GLCCI1: variants seen among roughly 807,000 people sequenced by gnomAD.
The protein encoded by GLCCI1 is glucocorticoid-induced transcript 1 protein.
GLCCI1 carries 24 observed loss-of-function variants against 52.2 expected under a neutral mutation model. The observed-to-expected ratio is 0.46, with a 90% CI of 0.33 to 0.65. The LOEUF is 0.65. GLCCI1 is among the 30% of genes least tolerant of loss of function. GLCCI1 has a pLI of 0.02. For missense variants in GLCCI1, 704 were observed against 701.5 expected (o/e 1.00, Z -0.04); for synonymous variants, 310 against 276.5 (o/e 1.12, Z -1.20).
chr7:8,000,237 G>C (rs1284881330), intron 1 of GLCCI1, among the ~76,000 whole-genome samples: 3 of 152,176 alleles, frequency 2.0e-5, no homozygotes, highest in Non-Finnish European at 4.4e-5. Context: ...CTATAAATCA[G>C]ATAATGGGAG....
chr7:8,025,316 G>A (rs1397535075), intron 3 of GLCCI1, among the ~76,000 whole-genome samples: 1 of 151,862 alleles, frequency 6.6e-6, no homozygotes, highest in East Asian at 1.9e-4. Context: ...CTGCAGCCTG[G>A]GTGACAGAGC....
intron 3 of GLCCI1, among the ~76,000 whole-genome samples, chr7:8,025,547 A>C (rs1447114924): frequency 6.6e-6 from 1 of 152,170 alleles, no homozygotes; most frequent in Admixed American, 6.5e-5. Context: ...AGAGGAAAAA[A>C]AAATTAAAGT....
At chr7:8,001,663 T>C (rs1184177791) in intron 1 of GLCCI1, among the ~76,000 whole-genome samples, 1 of 152,232 alleles carries the variant, frequency 6.6e-6, no homozygotes, top group Non-Finnish European at 1.5e-5. Context: ...CGTATGTTTA[T>C]TGCGGCACTA....
At chr7:8,067,600 G>C (rs1193916045) in intron 5 of GLCCI1, among the ~76,000 whole-genome samples, 1 of 152,176 alleles carries the variant, frequency 6.6e-6, no homozygotes, top group Non-Finnish European at 1.5e-5. Flanking sequence ...TTGCTTGTCT[G>C]AAAAGGATCT....
At chr7:8,023,818 C>G (rs1250896820) in intron 3 of GLCCI1, among the ~76,000 whole-genome samples, 1 of 151,584 alleles carries the variant, frequency 6.6e-6, no homozygotes, top group Non-Finnish European at 1.5e-5. Flanking sequence ...AGGCTAGTCT[C>G]GAACTCCTGA....
Position 8,087,419 on chromosome 7 carries a change from A to C in GLCCI1, c.*881A>C, listed in dbSNP as rs1783139580. The C allele has an allele frequency of 6.5e-6, 1 of 152,690 alleles. No homozygotes were observed. Among genetic ancestry groups the C allele is most frequent in the Non-Finnish European group, 1.5e-5 (1 of 68,046 alleles). The allele number at this position is 152,690 out of a possible 1,614,324, so 9.5% of individuals were successfully genotyped here. ...TGACAATGTTGCAAATAAAGTGTTC[A>C]GTACTGGACTGTACATAAACATTCC... On this transcript the variant is annotated 3_prime_UTR_variant, in exon 8 of 8. Coordinates refer to ENST00000223145, the MANE Select transcript of GLCCI1 (RefSeq NM_138426.4).
At chr7:8,019,520 C>CT (rs1562430413) in intron 2 of GLCCI1, among the ~76,000 whole-genome samples, 2 of 152,126 alleles carry the variant, frequency 1.3e-5, no homozygotes, top group African/African-American at 4.8e-5. Flanking sequence ...TGAGAGAACT[C>CT]TTTCAGTCGT....
At position 7,969,631 on chromosome 7, in the gene GLCCI1, G is replaced by A; in HGVS notation, c.281G>A (p.Ser94Asn). 1 of 1,014,980 alleles carries A rather than the reference G, an allele frequency of 9.9e-7. No individual in the cohort carries two copies. The highest frequency in any genetic ancestry group is 1.2e-6 in the Non-Finnish European group (1 of 854,584). 62.9% of individuals were successfully genotyped at this position (1,014,980 alleles called of 1,614,324 possible). ...GCCGCTGCCGCCGCCTCGCTGGGCA[G>A]CCTCCCGGGGCCCGGCGCGGCCCGC... The part of the protein sequence containing the change: ...PVAAAAASLG[S>N]LPGPGAARGP... Residue 94 changes from serine to asparagine, a missense_variant, in exon 1 of 8, where the codon AGC becomes AAC. Ser to Asn is a conservative substitution (Grantham distance 46). Around this residue, in one of 3 missense-constraint regions of GLCCI1, gnomAD observed 547 missense variants for 524.8 expected, o/e 1.04. Coordinates refer to ENST00000223145, the MANE Select transcript of GLCCI1 (RefSeq NM_138426.4). The surrounding 1 kb of genome is among the most constrained non-coding windows in gnomAD (Gnocchi z 4.9).
chr7:8,068,414 C>T (rs768303754), intron 5 of GLCCI1, among the ~76,000 whole-genome samples: 5 of 152,180 alleles, frequency 3.3e-5, no homozygotes, highest in East Asian at 1.9e-4. Flanking sequence ...AGATTCTTTC[C>T]TCAGCTTGGT....
chr7:8,022,474 T>A lies in GLCCI1; in HGVS notation c.610-9T>A, dbSNP rs769512831. The A allele has an allele frequency of 2.8e-5, 41 of 1,489,644 alleles. No individual in the cohort carries two copies. Among genetic ancestry groups the A allele is most frequent in the Middle Eastern group, 1.8e-4 (1 of 5,506 alleles). The allele number at this position is 1,489,644 out of a possible 1,614,324, so 92.3% of individuals were successfully genotyped here. A position where few individuals can be genotyped will look rare whatever the true frequency, so the allele number is the denominator to read the frequency against. Reference sequence around the variant, plus strand: ...TTTCTTATTTTATTTATATATATATTTTTTAAAGACACCTAGCTGTTGGGC... The same window carrying A: ...TTTCTTATTTTATTTATATATATATATTTTAAAGACACCTAGCTGTTGGGC... On this transcript the variant is annotated splice_polypyrimidine_tract_variant and intron_variant, in intron 2 of 7. Coordinates refer to ENST00000223145, the MANE Select transcript of GLCCI1 (RefSeq NM_138426.4).
intron 1 of GLCCI1, chr7:7,980,894 A>G: frequency 3.1e-6 from 2 of 634,952 alleles, no homozygotes; most frequent in East Asian, 2.8e-5. Flanking sequence ...GTCCATTTTG[A>G]TGACATTCCT....
intron 6 of GLCCI1, among the ~76,000 whole-genome samples, chr7:8,083,655 A>C (rs1345417166): frequency 7.3e-6 from 1 of 137,128 alleles, no homozygotes; most frequent in African/African-American, 2.5e-5. Flanking sequence ...AGGATCATAC[A>C]TAATAATGAT....
rs865995749 is a variant in GLCCI1 at position 7,969,745 on chromosome 7, C to G, written c.395C>G (p.Pro132Arg). Residue 132 changes from proline (P) to arginine (R), a missense_variant, in exon 1 of 8, where the codon CCA becomes CGA. Coordinates refer to ENST00000223145, the MANE Select transcript of GLCCI1 (RefSeq NM_138426.4). This position sits in a 1 kb window ranked among gnomAD's most constrained non-coding sequence, Gnocchi z 4.9. ...GCCAAGGGCCGCCCGAGACGGTCCC[C>G]AGAGAGCCACCGGAGGAGCAGCTCA... ...PRAKGRPRRSPESHRRSSSPE... is the reference protein window; with the variant it reads ...PRAKGRPRRSRESHRRSSSPE... 15 of 1,470,674 alleles carry G rather than the reference C, an allele frequency of 1.0e-5. No individual in the cohort carries two copies. The highest frequency in any genetic ancestry group is 1.3e-5 in the Non-Finnish European group (15 of 1,114,370). 91.1% of individuals were successfully genotyped at this position (1,470,674 alleles called of 1,614,324 possible). A position where few individuals can be genotyped will look rare whatever the true frequency, so the allele number is the denominator to read the frequency against.
At chr7:8,014,115 G>A (rs1254458663) in intron 2 of GLCCI1, among the ~76,000 whole-genome samples, 1 of 151,734 alleles carries the variant, frequency 6.6e-6, no homozygotes, top group Non-Finnish European at 1.5e-5. Context: ...TTAGCCTCCC[G>A]AGTAGCTGGA....
chr7:8,044,104 C>T (rs546843792), intron 3 of GLCCI1, among the ~76,000 whole-genome samples: 3 of 152,056 alleles, frequency 2.0e-5, no homozygotes, highest in Non-Finnish European at 2.9e-5. Flanking sequence ...GCCACCATGC[C>T]TGGCTAATTT....
intron 2 of GLCCI1, among the ~76,000 whole-genome samples, chr7:8,011,063 G>C (rs1332791200): frequency 5.3e-5 from 8 of 151,862 alleles, no homozygotes. Flanking sequence ...AGGTTGCAGT[G>C]AGCCGAGATC....
At chr7:8,018,974 A>G (rs62433405) in intron 2 of GLCCI1, among the ~76,000 whole-genome samples, 7,942 of 152,292 alleles carry the variant, frequency 0.052, 347 homozygotes, top group East Asian at 0.19. Context: ...AACTTTTGCT[A>G]CTTTGTGTTA....
Position 8,007,013 on chromosome 7 carries a change from A to G in GLCCI1, c.609+2954A>G, listed in dbSNP as rs542270147. On this transcript the variant is annotated intron_variant, in intron 2 of 7. Coordinates refer to ENST00000223145, the MANE Select transcript of GLCCI1 (RefSeq NM_138426.4). Reference sequence around the variant, plus strand: ...CCTGGTTTTAGATTACCTGGAGTATATTCTACAGCCAGGCATGGGCTCATA... The same window carrying G: ...CCTGGTTTTAGATTACCTGGAGTATGTTCTACAGCCAGGCATGGGCTCATA... Among the ~76,000 whole-genome samples the G allele has an allele frequency of 5.6e-4, 85 of 152,318 alleles. 3 individuals carry two copies. In the South Asian group the frequency reaches 0.015, roughly 27 times the overall value.
rs1460581053 is a variant in GLCCI1, at chr7:8,022,489, A to G, written c.616A>G (p.Ser206Gly). 3.8e-6 allele frequency: 6 copies of G among 1,560,920 alleles called. No individual in the cohort carries two copies. The highest frequency in any genetic ancestry group is 2.4e-5 in the South Asian group (2 of 83,372). Residue 206 changes from serine to glycine, a missense_variant, in exon 3 of 8, where the codon AGC becomes GGC. By Grantham distance (56) the Ser-to-Gly change is moderately conservative. Transcript: ENST00000223145. The stretch of plus-strand genomic sequence containing the variant: ...ATATATATATTTTTTAAAGACACCT[A>G]GCTGTTGGGCAGAAGAGGGTGCAGA... ...CMKDKATQTPSCWAEEGAEKR... is the reference protein window; with the variant it reads ...CMKDKATQTPGCWAEEGAEKR...
Sources: allele counts gnomAD v4.1 joint callset (sites outside exome capture counted in the v4.1 genomes callset), GRCh38; gene constraint gnomAD v4.1.1; regional missense constraint gnomAD v4.1.1; non-coding constraint Gnocchi (gnomAD v3.1); transcripts MANE v1.5; gene names NCBI Gene and HGNC (gene_info 2026-07-23, HGNC 2026-07-21).